WDTC1: variants seen among roughly 807,000 people sequenced by gnomAD.
WDTC1 encodes WD and tetratricopeptide repeats protein 1.
WDTC1 carries 12 observed loss-of-function variants against 76.0 expected under a neutral mutation model. The observed-to-expected ratio is 0.16, with a 90% CI of 0.10 to 0.26. WDTC1 has a LOEUF of 0.26. WDTC1 is among the 10% of genes least tolerant of loss of function. The probability of loss-of-function intolerance (pLI) is 1.00; values close to 1 mark genes in which losing one functional copy is unlikely to be tolerated. For missense variants in WDTC1, 511 were observed against 908.8 expected, an observed-to-expected ratio of 0.56 and a Z score of 5.63; for synonymous variants, 326 against 350.8, an observed-to-expected ratio of 0.93 and a Z score of 0.79.
In WDTC1 at chr1:27,261,046, TAAGAA is replaced by T; in HGVS notation, c.-4_1del. On this transcript the variant is annotated 5_prime_UTR_variant, in exon 2 of 16. Coordinates refer to ENST00000319394, the MANE Select transcript of WDTC1 (RefSeq NM_001276252.2). Reference sequence around the variant, plus strand: ...TTATAGCTTCCTTCTGTTGAACCATTAAGAAAAGATGGCGAAAGTCAACATAACTA... The same window carrying T: ...TTATAGCTTCCTTCTGTTGAACCATTAAGATGGCGAAAGTCAACATAACTA... The T allele has an allele frequency of 2.5e-6, 4 of 1,614,064 alleles. No homozygotes were observed. Among genetic ancestry groups the T allele is most frequent in the Non-Finnish European group, 3.4e-6 (4 of 1,180,004 alleles).
chr1:27,270,553 G>A (rs2012837661), intron 3 of WDTC1, among the ~76,000 whole-genome samples: 1 of 151,918 alleles, frequency 6.6e-6, no homozygotes, highest in Non-Finnish European at 1.5e-5. Flanking sequence ...ATTAGCCAGG[G>A]GTGGTGACAC....
At chr1:27,289,306 G>A (rs1005593751) in intron 6 of WDTC1, among the ~76,000 whole-genome samples, 5 of 151,840 alleles carry the variant, frequency 3.3e-5, no homozygotes, top group South Asian at 2.1e-4. Flanking sequence ...GTTCTCAGAC[G>A]GGGTGGTTGC....
chr1:27,292,405 T>C lies in WDTC1; in HGVS notation c.662+8T>C. The C allele has an allele frequency of 6.4e-7, 1 of 1,551,476 alleles. No individual in the cohort carries two copies. On this transcript the variant is annotated splice_region_variant and intron_variant, in intron 7 of 15. Transcript: ENST00000319394. ...CATGATCCATAACCACAGGTATGAA[T>C]AGTTCAGCCTCCTGTCTCCTGTGAG...
upstream of WDTC1, chr1:27,234,544 G>A: frequency 2.6e-6 from 1 of 379,670 alleles, no homozygotes; most frequent in Non-Finnish European, 4.7e-6. Context: ...AGCCATTCTG[G>A]AAGCGGCCGG....
intron 1 of WDTC1, among the ~76,000 whole-genome samples, chr1:27,251,516 C>T (rs2147916449): frequency 6.6e-6 from 1 of 152,192 alleles, no homozygotes; most frequent in Middle Eastern, 3.4e-3. Flanking sequence ...CCACAATATC[C>T]TAACTTATAG....
chr1:27,292,485 T>G, intron 7 of WDTC1, 88 bp downstream of exon 7: 2 of 1,296,902 alleles, frequency 1.5e-6, no homozygotes, highest in Non-Finnish European at 2.1e-6. Flanking sequence ...CCATGCCCTC[T>G]TCTTCTATCA....
Position 27,292,231 on chromosome 1 carries a change from G to A in WDTC1, c.496G>A (p.Glu166Lys). The change falls in exon 7 of 16, where the codon GAG (glutamate) becomes AAG (lysine). Residue 166 changes from glutamate to lysine, a missense_variant. Transcript: ENST00000319394. ...DGLIRQYDLR[E>K]NSKHSEVLID... ...CTCTCACAGCCAGTATGACCTTCGAGAGAACAGCAAACACTCGGAGGTGCT... is the reference window on the plus strand; with the variant it reads ...CTCTCACAGCCAGTATGACCTTCGAAAGAACAGCAAACACTCGGAGGTGCT... The A allele has an allele frequency of 6.3e-7, 1 of 1,595,458 alleles. No homozygotes were observed.
chr1:27,263,602 T>C (rs2012557383), intron 3 of WDTC1, among the ~76,000 whole-genome samples: 1 of 151,778 alleles, frequency 6.6e-6, no homozygotes, highest in African/African-American at 2.4e-5. Flanking sequence ...CCCAGCTAAT[T>C]TTTTTGTATT....
intron 10 of WDTC1, 61 bp downstream of exon 10, chr1:27,296,462 C>T: frequency 6.4e-7 from 1 of 1,564,112 alleles, no homozygotes; most frequent in Non-Finnish European, 8.8e-7. Context: ...GTGCATGCTA[C>T]ACCTGCTGAG....
At chr1:27,298,585 A>G (rs1331274942) in intron 12 of WDTC1, among the ~76,000 whole-genome samples, 3 of 152,178 alleles carry the variant, frequency 2.0e-5, no homozygotes, top group Non-Finnish European at 4.4e-5. Flanking sequence ...CTTTGGACTG[A>G]GTACAAACCA....
chr1:27,260,284 T>C (rs2012435446), intron 1 of WDTC1, among the ~76,000 whole-genome samples: 1 of 152,086 alleles, frequency 6.6e-6, no homozygotes, highest in South Asian at 2.1e-4. Flanking sequence ...TTTTTGTATT[T>C]TTAGTAGGGA....
At chr1:27,281,086 G>A (rs189972739) in intron 3 of WDTC1, among the ~76,000 whole-genome samples, 2 of 151,552 alleles carry the variant, frequency 1.3e-5, no homozygotes, top group East Asian at 3.9e-4. Context: ...ATTAAGCTCT[G>A]GAAGATCCAA....
chr1:27,262,549 T>G (rs890484638), intron 2 of WDTC1, among the ~76,000 whole-genome samples: 1 of 151,978 alleles, frequency 6.6e-6, no homozygotes, highest in Non-Finnish European at 1.5e-5. Context: ...CCACCATGCC[T>G]GGCTAATTTT....
At chr1:27,243,125 A>G (rs2011681827) in intron 1 of WDTC1, among the ~76,000 whole-genome samples, 1 of 152,068 alleles carries the variant, frequency 6.6e-6, no homozygotes, top group South Asian at 2.1e-4. Flanking sequence ...GGTAAGAGAC[A>G]AAGTTTCAGC....
At chr1:27,255,877 T>G (rs1413134511) in intron 1 of WDTC1, among the ~76,000 whole-genome samples, 1 of 152,202 alleles carries the variant, frequency 6.6e-6, no homozygotes, top group South Asian at 2.1e-4. Context: ...CCAAAACTTT[T>G]TGAACCACTC....
At chr1:27,234,976 C>T (rs866937325) in intron 1 of WDTC1, 25 bp downstream of exon 1, 8 of 386,324 alleles carry the variant, frequency 2.1e-5, no homozygotes, top group South Asian at 1.3e-4. Context: ...CGCCCCCTGC[C>T]CTCCGCGGGC....
At chr1:27,270,082 C>T (rs2012822462) in intron 3 of WDTC1, among the ~76,000 whole-genome samples, 1 of 152,036 alleles carries the variant, frequency 6.6e-6, no homozygotes, top group South Asian at 2.1e-4. Flanking sequence ...GGACTACAGA[C>T]ATGCACCACC....
In WDTC1 at chr1:27,296,312, C is replaced by T. The variant is rs770138294; in HGVS notation, c.874-14C>T. On this transcript the variant is annotated splice_polypyrimidine_tract_variant and intron_variant, in intron 9 of 15. Transcript: ENST00000319394. ...CACAGCTTCCATCTCTTTTTTTGCC[C>T]CCCTCAACTCTAGGTCTATTTGTTT... 1 of 1,613,130 alleles carries T rather than the reference C, an allele frequency of 6.2e-7. No individual in the cohort carries two copies. Among genetic ancestry groups the T allele is most frequent in the East Asian group, 2.2e-5 (1 of 44,856 alleles).
At chr1:27,298,259 T>C in intron 12 of WDTC1, 148 bp downstream of exon 12, 1 of 960,008 alleles carries the variant, frequency 1.0e-6, no homozygotes, top group Non-Finnish European at 1.5e-6. Context: ...TCTTGGCCTC[T>C]CCTCCCCACC....
Sources: gnomAD v4.1 joint callset for allele counts (sites outside exome capture counted in the v4.1 genomes callset) on GRCh38, gnomAD v4.1.1 for gene constraint, MANE v1.5 for transcripts, NCBI Gene and HGNC (gene_info 2026-07-23, HGNC 2026-07-21) for gene names.